The following DEPDC1B variants were observed in gnomAD, a reference collection of about 807,000 sequenced individuals.
DEPDC1B encodes the protein DEP domain-containing protein 1B.
In DEPDC1B, 51 loss-of-function variants were observed where a neutral mutation model predicts 66.5. The observed-to-expected ratio is 0.77, with a 90% CI of 0.61 to 0.97. DEPDC1B has a LOEUF of 0.97. Ranked by LOEUF, DEPDC1B falls within the 50% of genes least tolerant of loss-of-function variation. The probability of loss-of-function intolerance (pLI) is 0.00; values close to 1 mark genes in which losing one functional copy is unlikely to be tolerated. For synonymous variants in DEPDC1B, 226 were observed against 223.6 expected (o/e 1.01, Z -0.10); for missense variants, 552 against 637.1 (o/e 0.87, Z 1.44).
At chr5:60,696,160 AT>A (rs1754649512) in intron 1 of DEPDC1B, among the ~76,000 whole-genome samples, 1 of 152,118 alleles carries the variant, frequency 6.6e-6, no homozygotes, top group Non-Finnish European at 1.5e-5. Context: ...AGTTCTCAGA[AT>A]TTTACTCTTC....
rs966201850 is a variant in DEPDC1B at position 60,621,896 on chromosome 5, G to A, written c.899-16040C>T. The stretch of plus-strand genomic sequence containing the variant: ...TTGGTGAATAGCAACTATGCTTACC[G>A]TCATATGATATACTGATTTTCACAA... On this transcript the variant is annotated intron_variant, in intron 7 of 10. Transcript: ENST00000265036. Among the ~76,000 whole-genome samples the A allele has an allele frequency of 4.6e-5, 7 of 151,916 alleles. No homozygotes were observed. In the South Asian group the frequency reaches 1.0e-3, roughly 23 times the overall value.
chr5:60,633,675 G>A (rs965404613), intron 7 of DEPDC1B, among the ~76,000 whole-genome samples: 4 of 152,182 alleles, frequency 2.6e-5, no homozygotes, highest in African/African-American at 9.7e-5. Context: ...TCACCAGCCT[G>A]TAGATTTGTG....
At position 60,654,853 on chromosome 5, in the gene DEPDC1B, T is replaced by C. The variant is rs1753540806; in HGVS notation, c.315-7320A>G. The stretch of plus-strand genomic sequence containing the variant: ...AATCATAAAGTGATGCTGGATTTTG[T>C]CAAATGCTCTTTCTGTGTCTATTGG... On this transcript the variant is annotated intron_variant, in intron 2 of 10. Transcript: ENST00000265036. Among the ~76,000 whole-genome samples the C allele has an allele frequency of 4.7e-5, 7 of 149,200 alleles. 1 individual carries two copies. The South Asian group carries it at 1.6e-3, about 33-fold the overall frequency.
At chr5:60,684,994 G>C (rs1363100541) in intron 2 of DEPDC1B, among the ~76,000 whole-genome samples, 1 of 152,126 alleles carries the variant, frequency 6.6e-6, no homozygotes, top group Admixed American at 6.5e-5. Context: ...CACTAATCAT[G>C]AGGGTAATGC....
chr5:60,688,961 T>C (rs1754484782), intron 1 of DEPDC1B: 1 of 455,126 alleles, frequency 2.2e-6, no homozygotes, highest in African/African-American at 2.0e-5. Flanking sequence ...TAACTCACTG[T>C]AATACACTGC....
intron 7 of DEPDC1B, among the ~76,000 whole-genome samples, chr5:60,616,407 G>C (rs189902492): frequency 1.6e-3 from 247 of 152,114 alleles, no homozygotes; most frequent in African/African-American, 5.6e-3. Context: ...AAAATCAGAC[G>C]AACGGCTAAC....
intron 7 of DEPDC1B, among the ~76,000 whole-genome samples, chr5:60,606,562 C>A (rs1462777913): frequency 2.3e-5 from 3 of 128,106 alleles, no homozygotes; most frequent in Non-Finnish European, 4.6e-5. Flanking sequence ...CACTTGAGGC[C>A]AGGAATTTGA....
intron 2 of DEPDC1B, among the ~76,000 whole-genome samples, chr5:60,666,450 C>A (rs976910654): frequency 8.5e-5 from 13 of 152,138 alleles, no homozygotes; most frequent in African/African-American, 2.9e-4. Flanking sequence ...AACAAAGACC[C>A]CCCCCATAAC....
At chr5:60,655,811 G>C (rs566701386) in intron 2 of DEPDC1B, among the ~76,000 whole-genome samples, 1 of 148,740 alleles carries the variant, frequency 6.7e-6, no homozygotes, top group African/African-American at 2.5e-5. Flanking sequence ...ATTTTCATAG[G>C]TTGGGTCACT....
chr5:60,631,334 G>T (rs544988130), intron 7 of DEPDC1B, among the ~76,000 whole-genome samples: 1 of 152,348 alleles, frequency 6.6e-6, no homozygotes, highest in African/African-American at 2.4e-5. Flanking sequence ...GAGGGCAGCT[G>T]TAACGACGAA....
At chr5:60,678,907 C>T (rs1754230076) in intron 2 of DEPDC1B, among the ~76,000 whole-genome samples, 1 of 152,168 alleles carries the variant, frequency 6.6e-6, no homozygotes, top group Admixed American at 6.5e-5. Context: ...TGATGAAATC[C>T]AGTTTATCAT....
intron 7 of DEPDC1B, among the ~76,000 whole-genome samples, chr5:60,609,455 G>A (rs1278218760): frequency 6.6e-6 from 1 of 152,180 alleles, no homozygotes; most frequent in Non-Finnish European, 1.5e-5. Context: ...CAGTGGAGGA[G>A]CCACTATCAG....
At chr5:60,697,648 G>GA (rs554997685) in intron 1 of DEPDC1B, among the ~76,000 whole-genome samples, 24 of 149,132 alleles carry the variant, frequency 1.6e-4, no homozygotes, top group South Asian at 4.2e-4. Context: ...ACTCACTTTT[G>GA]AAAAAAAAAA....
intron 6 of DEPDC1B, among the ~76,000 whole-genome samples, chr5:60,640,482 T>C (rs1753163037): frequency 6.6e-6 from 1 of 152,240 alleles, no homozygotes; most frequent in Non-Finnish European, 1.5e-5. Flanking sequence ...TCTTGAACTT[T>C]AATAATATTT....
chr5:60,646,076 A>T (rs1443564263), intron 3 of DEPDC1B, among the ~76,000 whole-genome samples: 1 of 152,236 alleles, frequency 6.6e-6, no homozygotes, highest in Non-Finnish European at 1.5e-5. Flanking sequence ...AAGTAAGTGC[A>T]ATGTTCGAAA....
chr5:60,663,402 G>T (rs1753766214), intron 2 of DEPDC1B, among the ~76,000 whole-genome samples: 1 of 152,182 alleles, frequency 6.6e-6, no homozygotes, highest in African/African-American at 2.4e-5. Context: ...GACAGTGGAG[G>T]TTAGTGCAAG....
intron 1 of DEPDC1B, among the ~76,000 whole-genome samples, chr5:60,699,712 T>C (rs906964529): frequency 8.5e-5 from 13 of 152,116 alleles, no homozygotes; most frequent in African/African-American, 2.9e-4. Flanking sequence ...CCCCTCAGGT[T>C]ACCGACCGGG....
chr5:60,635,144 C>G (rs1009417698), intron 7 of DEPDC1B, among the ~76,000 whole-genome samples: 5 of 151,254 alleles, frequency 3.3e-5, no homozygotes, highest in Non-Finnish European at 7.4e-5. Context: ...TTTGGACTAA[C>G]ATGGGCAAAA....
At chr5:60,616,168 T>C (rs868561590) in intron 7 of DEPDC1B, among the ~76,000 whole-genome samples, 2 of 151,552 alleles carry the variant, frequency 1.3e-5, no homozygotes, top group Non-Finnish European at 1.5e-5. Context: ...AGACCAAAGG[T>C]AAATAAAACC....
Sources: allele counts gnomAD v4.1 joint callset (sites outside exome capture counted in the v4.1 genomes callset), GRCh38; gene constraint gnomAD v4.1.1; transcripts MANE v1.5; gene names NCBI Gene and HGNC (gene_info 2026-07-23, HGNC 2026-07-21).